ZDHHC7: variants seen among roughly 807,000 people sequenced by gnomAD.
ZDHHC7 encodes palmitoyltransferase ZDHHC7.
Under a neutral mutation model 34.1 loss-of-function variants are expected in ZDHHC7, and 12 were observed. The ratio of observed to expected loss-of-function variants is 0.35; its 90% CI spans 0.23 to 0.57. ZDHHC7 has a LOEUF of 0.57. Ranked by LOEUF, ZDHHC7 falls within the 20% of genes least tolerant of loss-of-function variation. The pLI is 0.84. For synonymous variants in ZDHHC7, 185 were observed against 155.4 expected (o/e 1.19, Z -1.42); for missense variants, 388 against 402.7 (o/e 0.96, Z 0.31).
the ZDHHC7 span, among the ~76,000 whole-genome samples, chr16:85,017,667 A>G: frequency 6.6e-6 from 1 of 152,216 alleles, no homozygotes; most frequent in East Asian, 1.9e-4. Context: ...TCTCACAAAT[A>G]TAATTGATAC....
chr16:85,023,315 C>T, the ZDHHC7 span, among the ~76,000 whole-genome samples: 1 of 151,956 alleles, frequency 6.6e-6, no homozygotes, highest in Non-Finnish European at 1.5e-5. Context: ...TACAGGTGTA[C>T]CACCATGCCT....
At chr16:84,982,067 C>T (rs987869926) in intron 3 of ZDHHC7, 73 bp from the exon 4 acceptor site, 2 of 1,586,178 alleles carry the variant, frequency 1.3e-6, no homozygotes, top group Non-Finnish European at 1.7e-6. Flanking sequence ...CGCAGTGGGT[C>T]ACACCTGTAA....
At chr16:85,014,295 C>T (rs748153003), upstream of ZDHHC7, among the ~76,000 whole-genome samples, 1 of 152,106 alleles carries the variant, frequency 6.6e-6, no homozygotes, top group Non-Finnish European at 1.5e-5. Flanking sequence ...GTTTGGGGAT[C>T]GTTTATAGAG....
chr16:84,994,319 T>C (rs1021360394), intron 2 of ZDHHC7, among the ~76,000 whole-genome samples: 1 of 152,226 alleles, frequency 6.6e-6, no homozygotes, highest in African/African-American at 2.4e-5. Flanking sequence ...AGTTTCTTGG[T>C]GAATCGTTAT....
rs537507446 is a variant in ZDHHC7, at chr16:84,997,863, A to G, written c.-103-1856T>C. On this transcript the variant is annotated intron_variant, in intron 1 of 7. Coordinates refer to ENST00000313732, the MANE Select transcript of ZDHHC7 (RefSeq NM_017740.3). ...GGCCGAGATGGCGCCACTGCACTCC[A>G]TCCAGCCTGGGCGACAGAGCGAGAC... Among the ~76,000 whole-genome samples the G allele has an allele frequency of 5.1e-5, 7 of 137,618 alleles. No homozygotes were observed. In the East Asian group the frequency reaches 1.6e-3, roughly 31 times the overall value. The allele number at this position is 137,618 out of a possible 152,430, so 90.3% of individuals were successfully genotyped here.
chr16:85,010,411 A>G (rs570211144), intron 1 of ZDHHC7, among the ~76,000 whole-genome samples: 58 of 152,340 alleles, frequency 3.8e-4, no homozygotes, highest in Non-Finnish European at 7.9e-4. Context: ...CATCTGTGAG[A>G]TGAAGAGTTC....
the ZDHHC7 span, among the ~76,000 whole-genome samples, chr16:85,024,593 C>T: frequency 6.6e-6 from 1 of 152,166 alleles, no homozygotes; most frequent in Non-Finnish European, 1.5e-5. Context: ...ACCTCCTTCC[C>T]GTGTCCTTTG....
chr16:85,011,132 G>C (rs556570914), intron 1 of ZDHHC7, among the ~76,000 whole-genome samples, 154 bp downstream of exon 1: 3 of 152,354 alleles, frequency 2.0e-5, no homozygotes, highest in Non-Finnish European at 2.9e-5. Flanking sequence ...GTGCGGGCAC[G>C]GAGGTGCCCC....
chr16:84,982,302 G>A (rs555306093), intron 3 of ZDHHC7, among the ~76,000 whole-genome samples: 106 of 149,550 alleles, frequency 7.1e-4, no homozygotes, highest in African/African-American at 2.5e-3. Context: ...CCAAGATCGC[G>A]CCGTTGCACT....
intron 3 of ZDHHC7, among the ~76,000 whole-genome samples, chr16:84,985,043 G>A (rs1003181809): frequency 3.9e-5 from 6 of 152,170 alleles, no homozygotes; most frequent in Admixed American, 1.3e-4. Context: ...AACCATTTTC[G>A]GGACGTTTTT....
At chr16:84,996,829 C>T (rs1410448785) in intron 1 of ZDHHC7, among the ~76,000 whole-genome samples, 1 of 152,052 alleles carries the variant, frequency 6.6e-6, no homozygotes, top group Non-Finnish European at 1.5e-5. Context: ...AAGTTCAAGA[C>T]CAGCCTGGCC....
chr16:85,024,763 C>G, the ZDHHC7 span, among the ~76,000 whole-genome samples: 2 of 152,192 alleles, frequency 1.3e-5, no homozygotes, highest in Non-Finnish European at 2.9e-5. Context: ...ATGAGTGGGG[C>G]TGACCCCTAC....
intron 1 of ZDHHC7, among the ~76,000 whole-genome samples, chr16:85,010,128 C>A (rs1371471736): frequency 1.3e-5 from 2 of 151,142 alleles, no homozygotes; most frequent in Non-Finnish European, 2.9e-5. Context: ...CAAGTGATCC[C>A]CCCACCTCAG....
chr16:85,000,309 G>GATAA (rs2143708124), intron 1 of ZDHHC7, among the ~76,000 whole-genome samples: 1 of 152,232 alleles, frequency 6.6e-6, no homozygotes, highest in South Asian at 2.1e-4. Context: ...TTTCTTCCTG[G>GATAA]ATAACCCGCG....
rs556699638 is a variant in ZDHHC7 at position 85,010,381 on chromosome 16, A to G, written c.-104+905T>C. On this transcript the variant is annotated intron_variant, in intron 1 of 7. Transcript: ENST00000313732. ...TTCAGGTATGTAAACACTGTAAAAC[A>G]TAACAAAAAAGAGATTCTTCATCTG... Among the ~76,000 whole-genome samples, 458 of 152,348 alleles carry G rather than the reference A, an allele frequency of 3.0e-3. 2 individuals carry two copies. The highest frequency in any genetic ancestry group is 0.011 in the African/African-American group (439 of 41,570).
chr16:84,991,046 C>A (rs1018404185), intron 2 of ZDHHC7, among the ~76,000 whole-genome samples: 17 of 152,144 alleles, frequency 1.1e-4, no homozygotes, highest in African/African-American at 4.1e-4. Context: ...TAAATGCTCC[C>A]AAGCAGGTGC....
At chr16:85,000,508 A>T (rs936106896) in intron 1 of ZDHHC7, among the ~76,000 whole-genome samples, 2 of 152,226 alleles carry the variant, frequency 1.3e-5, no homozygotes, top group Non-Finnish European at 2.9e-5. Context: ...AAGAACCAAG[A>T]CATAATTATT....
intron 7 of ZDHHC7, 76 bp downstream of exon 7, chr16:84,977,019 T>C (rs986360972): frequency 5.9e-5 from 92 of 1,571,872 alleles, no homozygotes; most frequent in East Asian, 1.1e-4. Context: ...CAGGCACCTA[T>C]TGTTGACATT....
chr16:84,977,398 T>C, intron 6 of ZDHHC7, 173 bp from the exon 7 acceptor site: 1 of 749,884 alleles, frequency 1.3e-6, no homozygotes. Context: ...AGGGCCACCC[T>C]TCCAAGCAAA....
Sources: allele counts gnomAD v4.1 joint callset (sites outside exome capture counted in the v4.1 genomes callset), GRCh38; gene constraint gnomAD v4.1.1; transcripts MANE v1.5; gene names NCBI Gene and HGNC (gene_info 2026-07-23, HGNC 2026-07-21).